EPHA3: variants seen among roughly 807,000 people sequenced by gnomAD.
EPHA3 encodes EPH receptor A3.
EPHA3 carries 42 observed loss-of-function variants against 107.1 expected under a neutral mutation model. The ratio of observed to expected loss-of-function variants is 0.39; its 90% CI spans 0.31 to 0.51. The LOEUF is 0.51. Among genes scored for constraint, EPHA3 ranks in the 20% least tolerant of loss-of-function variants. The probability of loss-of-function intolerance (pLI) is 0.78; values close to 1 mark genes in which losing one functional copy is unlikely to be tolerated. For synonymous variants in EPHA3, 461 were observed against 424.8 expected (o/e 1.09, Z -1.05); for missense variants, 1,183 against 1,211.2 (o/e 0.98, Z 0.35).
chr3:89,260,452 C>CAT (rs1221050885), intron 3 of EPHA3, among the ~76,000 whole-genome samples: 1 of 152,124 alleles, frequency 6.6e-6, no homozygotes, highest in African/African-American at 2.4e-5. Flanking sequence ...AGCACCTTTT[C>CAT]ATATATATGT....
intron 15 of EPHA3, among the ~76,000 whole-genome samples, chr3:89,466,922 G>A (rs6800436): frequency 0.22 from 32,805 of 149,850 alleles, 3,955 homozygotes; most frequent in Non-Finnish European, 0.24. Flanking sequence ...ATTAAACCAG[G>A]TGTAACGGCT....
At chr3:89,359,832 T>TATATACATATATATACATATATTTAC (rs747927767) in intron 5 of EPHA3, among the ~76,000 whole-genome samples, 1 of 128,122 alleles carries the variant, frequency 7.8e-6, no homozygotes, top group Non-Finnish European at 1.7e-5. Context: ...CATATATATA[T>TATATACATATATATACATATATTTAC]ACATATATAT....
At position 89,238,049 on chromosome 3, in the gene EPHA3, G is replaced by A. The variant is rs375387950; in HGVS notation, c.814+27529G>A. Among the ~76,000 whole-genome samples, 30 of 151,886 alleles carry A rather than the reference G, an allele frequency of 2.0e-4. 1 individual carries two copies. The East Asian group carries it at 2.7e-3, about 14-fold the overall frequency. ...CTACATGAAGAGAAAAGATCAATTG[G>A]CTCTCAGTATATTAATGTCGAATTC... On this transcript the variant is annotated intron_variant, in intron 3 of 16. Transcript: ENST00000336596.
At chr3:89,264,016 A>T (rs1192943587) in intron 3 of EPHA3, among the ~76,000 whole-genome samples, 1 of 152,122 alleles carries the variant, frequency 6.6e-6, no homozygotes, top group Non-Finnish European at 1.5e-5. Flanking sequence ...CGTCCATCCC[A>T]TGTGCAACAC....
intron 5 of EPHA3, among the ~76,000 whole-genome samples, chr3:89,388,151 A>G (rs1211423162): frequency 6.6e-6 from 1 of 152,124 alleles, no homozygotes; most frequent in Non-Finnish European, 1.5e-5. Context: ...TTTCATTGCC[A>G]TTTTGATTTT....
chr3:89,419,604 T>A (rs546207807), intron 11 of EPHA3, among the ~76,000 whole-genome samples: 17 of 151,368 alleles, frequency 1.1e-4, no homozygotes, highest in Admixed American at 2.6e-4. Flanking sequence ...CAAAAAATTT[T>A]AAAAAAATAC....
chr3:89,309,130 C>G (rs1370599784), intron 3 of EPHA3, among the ~76,000 whole-genome samples: 1 of 152,020 alleles, frequency 6.6e-6, no homozygotes, highest in Non-Finnish European at 1.5e-5. Context: ...GAAAAAGAGC[C>G]TTTGGATTTA....
At position 89,481,731 on chromosome 3, in the gene EPHA3, A is replaced by C. The variant is rs1436505469; in HGVS notation, c.*2229A>C. 1.3e-5 allele frequency: 3 copies of C among 231,884 alleles called. No homozygotes were observed. Among genetic ancestry groups the C allele is most frequent in the Non-Finnish European group, 2.6e-5 (3 of 117,058 alleles). 14.4% of individuals were successfully genotyped at this position (231,884 alleles called of 1,614,324 possible). A position where few individuals can be genotyped will look rare whatever the true frequency, so the allele number is the denominator to read the frequency against. On this transcript the variant is annotated 3_prime_UTR_variant, in exon 17 of 17. Transcript: ENST00000336596. ...ACTTTACACAATTCTTACCCTGTACATATGTAAACATAAGTGTACGATTCT... is the reference window on the plus strand; with the variant it reads ...ACTTTACACAATTCTTACCCTGTACCTATGTAAACATAAGTGTACGATTCT...
intron 3 of EPHA3, among the ~76,000 whole-genome samples, chr3:89,255,341 G>A (rs1705258368): frequency 6.7e-6 from 1 of 149,350 alleles, no homozygotes; most frequent in African/African-American, 2.6e-5. Flanking sequence ...GAGAGAGAGA[G>A]CTGCCCTTAG....
chr3:89,129,671 T>C (rs1420789985), intron 2 of EPHA3, among the ~76,000 whole-genome samples: 1 of 151,702 alleles, frequency 6.6e-6, no homozygotes, highest in Non-Finnish European at 1.5e-5. Context: ...GTTTAGGTTT[T>C]GGATTTAATA....
intron 2 of EPHA3, among the ~76,000 whole-genome samples, chr3:89,144,528 T>A (rs1704494774): frequency 1.3e-5 from 2 of 151,766 alleles, no homozygotes; most frequent in African/African-American, 4.8e-5. Flanking sequence ...ATGGTAACAT[T>A]ACAACAAACC....
At chr3:89,340,513 G>C (rs183168613) in intron 3 of EPHA3, among the ~76,000 whole-genome samples, 367 of 152,294 alleles carry the variant, frequency 2.4e-3, no homozygotes, top group African/African-American at 8.7e-3. Context: ...TAGAAAACTA[G>C]TCAATGTTAA....
At chr3:89,471,130 A>G (rs1386946534) in intron 15 of EPHA3, among the ~76,000 whole-genome samples, 1 of 152,016 alleles carries the variant, frequency 6.6e-6, no homozygotes, top group Non-Finnish European at 1.5e-5. Flanking sequence ...GACTGGCTCC[A>G]GTCTTATAAG....
chr3:89,210,258 A>G lies in EPHA3; in HGVS notation c.552A>G (p.Gln184=). 1 of 1,613,982 alleles carries G rather than the reference A, an allele frequency of 6.2e-7. No individual in the cohort carries two copies. Among genetic ancestry groups the G allele is most frequent in the Non-Finnish European group, 8.5e-7 (1 of 1,179,946 alleles). ...AGAAGGGATTTTATTTGGCATTTCAAGATGTTGGTGCTTGTGTTGCCTTGG... is the reference window on the plus strand; with the variant it reads ...AGAAGGGATTTTATTTGGCATTTCAGGATGTTGGTGCTTGTGTTGCCTTGG... The part of the protein sequence containing the change: ...VNKKGFYLAF[Q]DVGACVALVS... The change falls in exon 3 of 17, where the codon CAA becomes CAG. Residue 184 remains glutamine (Q), a synonymous_variant. Coordinates refer to ENST00000336596, the MANE Select transcript of EPHA3 (RefSeq NM_005233.6).
At chr3:89,475,148 T>G (rs540075104) in intron 16 of EPHA3, among the ~76,000 whole-genome samples, 1 of 152,336 alleles carries the variant, frequency 6.6e-6, no homozygotes, top group African/African-American at 2.4e-5. Context: ...AAAAGAGAAT[T>G]TATTAAAAGT....
At chr3:89,433,143 G>A (rs930716687) in intron 13 of EPHA3, among the ~76,000 whole-genome samples, 12 of 151,890 alleles carry the variant, frequency 7.9e-5, no homozygotes, top group Admixed American at 2.0e-4. Flanking sequence ...AATTTTTGGC[G>A]TATATATTGC....
chr3:89,272,857 G>A (rs1272723913), intron 3 of EPHA3, among the ~76,000 whole-genome samples: 4 of 151,858 alleles, frequency 2.6e-5, no homozygotes, highest in South Asian at 2.1e-4. Context: ...TAAAGTAAAC[G>A]TAAATCTGGG....
intron 3 of EPHA3, among the ~76,000 whole-genome samples, chr3:89,300,586 T>C (rs1410167589): frequency 6.6e-6 from 1 of 152,098 alleles, no homozygotes; most frequent in Admixed American, 6.6e-5. Context: ...ATCTCATTTA[T>C]TACTTTAAAC....
intron 3 of EPHA3, among the ~76,000 whole-genome samples, chr3:89,318,883 C>T (rs535593324): frequency 6.6e-6 from 1 of 151,996 alleles, no homozygotes; most frequent in Non-Finnish European, 1.5e-5. Flanking sequence ...TTTGTGAAAT[C>T]AGAACACACA....
Sources: allele counts gnomAD v4.1 joint callset (sites outside exome capture counted in the v4.1 genomes callset), GRCh38; gene constraint gnomAD v4.1.1; transcripts MANE v1.5; gene names NCBI Gene and HGNC (gene_info 2026-07-23, HGNC 2026-07-21).